The following SLC25A30 variants were observed in gnomAD, a reference collection of about 807,000 sequenced individuals.
SLC25A30 encodes the protein solute carrier family 25 member 30, also known as kidney mitochondrial carrier protein 1.
Under a neutral mutation model 42.7 loss-of-function variants are expected in SLC25A30, and 29 were observed. The observed-to-expected ratio is 0.68, with a 90% CI of 0.51 to 0.93. The LOEUF (loss-of-function observed/expected upper bound fraction) is 0.93, where lower values mean the gene tolerates loss of function less well. SLC25A30 is among the 40% of genes least tolerant of loss of function. The pLI, the probability that SLC25A30 is intolerant of heterozygous loss-of-function variation, is 0.00. For missense variants in SLC25A30, 300 were observed against 359.7 expected, an observed-to-expected ratio of 0.83 and a Z score of 1.34; for synonymous variants, 124 against 131.0, an observed-to-expected ratio of 0.95 and a Z score of 0.37.
chr13:45,414,435 G>A (rs1264645313), intron 1 of SLC25A30, among the ~76,000 whole-genome samples: 1 of 152,082 alleles, frequency 6.6e-6, no homozygotes, highest in Non-Finnish European at 1.5e-5. Flanking sequence ...TGGCCAACAT[G>A]GCAAAACCCA....
At chr13:45,423,916 A>T in the SLC25A30 span, among the ~76,000 whole-genome samples, 35 of 87,192 alleles carry the variant, frequency 4.0e-4, no homozygotes, top group African/African-American at 1.6e-3. Flanking sequence ...AATATATAAA[A>T]ATATATATAA....
chr13:45,415,546 T>C (rs939915483), intron 1 of SLC25A30, among the ~76,000 whole-genome samples: 3 of 151,548 alleles, frequency 2.0e-5, no homozygotes, highest in Non-Finnish European at 4.4e-5. Context: ...AGGTCAGGAG[T>C]TCGAGACCAG....
At chr13:45,400,984 A>T (rs1881913262) in intron 7 of SLC25A30, 99 bp downstream of exon 7, 1 of 1,067,626 alleles carries the variant, frequency 9.4e-7, no homozygotes, top group African/African-American at 1.6e-5. Context: ...GTCCTGCTTC[A>T]CTTCTGCATT....
At chr13:45,431,017 C>T in the SLC25A30 span, among the ~76,000 whole-genome samples, 8 of 151,902 alleles carry the variant, frequency 5.3e-5, no homozygotes, top group African/African-American at 9.7e-5. Flanking sequence ...GCTGTAAACA[C>T]CACCCGACAA....
At chr13:45,424,793 A>T in the SLC25A30 span, among the ~76,000 whole-genome samples, 1 of 50,482 alleles carries the variant, frequency 2.0e-5, no homozygotes, top group South Asian at 6.0e-4. Context: ...TATATAAAAG[A>T]ATATAAATAT....
At chr13:45,414,637 C>CAT (rs1883359361) in intron 1 of SLC25A30, among the ~76,000 whole-genome samples, 1 of 127,050 alleles carries the variant, frequency 7.9e-6, no homozygotes, top group Non-Finnish European at 1.6e-5. Flanking sequence ...CACACACATA[C>CAT]ACACACACAC....
chr13:45,401,037 T>A, intron 7 of SLC25A30, 46 bp downstream of exon 7: 1 of 1,497,028 alleles, frequency 6.7e-7, no homozygotes, highest in Admixed American at 2.0e-5. Context: ...TATAATAAAC[T>A]TTCTTTAGAA....
chr13:45,425,162 ATATATAAG>A, the SLC25A30 span, among the ~76,000 whole-genome samples: 1 of 88,702 alleles, frequency 1.1e-5, no homozygotes, highest in South Asian at 2.9e-4. Context: ...ATTGATAAAT[ATATATAAG>A]TATATAAATA....
chr13:45,395,461 A>G lies in SLC25A30; in HGVS notation c.*513T>C. ...GATATTCCTAGGATCCATTTCCTGC[A>G]CCGTTTATACCTGGGGTTGAACAGT... On this transcript the variant is annotated 3_prime_UTR_variant, in exon 10 of 10. Transcript: ENST00000519676. 1 of 990,102 alleles carries G rather than the reference A, an allele frequency of 1.0e-6. No homozygotes were observed. The highest frequency in any genetic ancestry group is 4.6e-5 in the South Asian group (1 of 21,704). The allele number at this position is 990,102 out of a possible 1,614,324, so 61.3% of individuals were successfully genotyped here.
At position 45,395,042 on chromosome 13, in the gene SLC25A30, C is replaced by A; in HGVS notation, c.*932G>T. ...ACCATGAGAAGCCCATGAGAACATGCCCCTCTTCTACATAGACTGTTTAGA... is the reference window on the plus strand; with the variant it reads ...ACCATGAGAAGCCCATGAGAACATGACCCTCTTCTACATAGACTGTTTAGA... On this transcript the variant is annotated 3_prime_UTR_variant, in exon 10 of 10. Coordinates refer to ENST00000519676, the MANE Select transcript of SLC25A30 (RefSeq NM_001010875.4). The A allele has an allele frequency of 1.0e-6, 1 of 985,440 alleles. No homozygotes were observed. Among genetic ancestry groups the A allele is most frequent in the East Asian group, 1.1e-4 (1 of 8,810 alleles). The allele number at this position is 985,440 out of a possible 1,614,324, so 61.0% of individuals were successfully genotyped here. A position where few individuals can be genotyped will look rare whatever the true frequency, so the allele number is the denominator to read the frequency against.
rs370602370 is a variant in SLC25A30, at chr13:45,409,045, G to A, written c.94C>T (p.Arg32Trp). ...TTCGTCTGGCCTTGAATCTGGAGCC[G>A]TGTCTTGGTTAAATCAATTGGAAAT... Reference protein sequence around the residue: ...GTFPIDLTKTRLQIQGQTNDA... With the variant: ...GTFPIDLTKTWLQIQGQTNDA... Residue 32 changes from arginine (R) to tryptophan (W), a missense_variant, in exon 3 of 10, where the codon CGG (arginine) becomes TGG (tryptophan). Coordinates refer to ENST00000519676, the MANE Select transcript of SLC25A30 (RefSeq NM_001010875.4). 2.6e-5 allele frequency: 42 copies of A among 1,609,952 alleles called. No homozygotes were observed. The highest frequency in any genetic ancestry group is 1.5e-4 in the Admixed American group (9 of 59,048).
chr13:45,432,692 G>A, the SLC25A30 span, among the ~76,000 whole-genome samples: 4 of 150,964 alleles, frequency 2.6e-5, no homozygotes. Context: ...TTATGGCCAG[G>A]TATATCTATA....
At position 45,414,635 on chromosome 13, in the gene SLC25A30, T is replaced by TACACACACACACAC. The variant is rs145462442; in HGVS notation, c.-55-3169_-55-3156dup. On this transcript the variant is annotated intron_variant, in intron 1 of 9. Transcript: ENST00000519676. ...TTTGTCTCAAACACACACACACACATACACACACACACACACACACACACA... is the reference window on the plus strand; with the variant it reads ...TTTGTCTCAAACACACACACACACATACACACACACACACACACACACACACACACACACACACA... 5.6e-3 allele frequency among the ~76,000 whole-genome samples: 778 copies of TACACACACACACAC among 139,972 alleles called. 12 individuals are homozygous for TACACACACACACAC. The highest frequency in any genetic ancestry group is 0.017 in the African/African-American group (642 of 38,654). The allele number at this position is 139,972 out of a possible 152,430, so 91.8% of individuals were successfully genotyped here. A position where few individuals can be genotyped will look rare whatever the true frequency, so the allele number is the denominator to read the frequency against.
the SLC25A30 span, among the ~76,000 whole-genome samples, chr13:45,424,783 T>A: frequency 1.7e-5 from 1 of 57,608 alleles, no homozygotes; most frequent in East Asian, 3.9e-4. Flanking sequence ...TATATATAAA[T>A]ATATAAAAGA....
the SLC25A30 span, among the ~76,000 whole-genome samples, chr13:45,425,626 A>G: frequency 3.9e-5 from 4 of 102,724 alleles, 2 homozygotes; most frequent in Non-Finnish European, 8.3e-5. Context: ...AAATATATAT[A>G]TAAGTATATA....
At chr13:45,409,436 T>A (rs1429569019) in intron 2 of SLC25A30, among the ~76,000 whole-genome samples, 2 of 152,186 alleles carry the variant, frequency 1.3e-5, no homozygotes, top group African/African-American at 4.8e-5. Context: ...AAGGTTAAAA[T>A]GGGGTTGAAT....
At chr13:45,397,065 A>G in intron 9 of SLC25A30, 193 bp downstream of exon 9, 1 of 559,032 alleles carries the variant, frequency 1.8e-6, no homozygotes, top group South Asian at 2.3e-5. Flanking sequence ...ACCACCATCA[A>G]AGCAAGATTC....
At chr13:45,423,572 T>C in the SLC25A30 span, among the ~76,000 whole-genome samples, 1 of 82,398 alleles carries the variant, frequency 1.2e-5, no homozygotes, top group Non-Finnish European at 2.5e-5. Context: ...TATATAAATA[T>C]ATATAAAAAT....
chr13:45,407,218 T>A (rs1882596497), intron 3 of SLC25A30, among the ~76,000 whole-genome samples: 1 of 152,060 alleles, frequency 6.6e-6, no homozygotes, highest in South Asian at 2.1e-4. Flanking sequence ...GACAACATGG[T>A]AAAACCCCGT....
Sources: gnomAD v4.1 joint callset for allele counts (sites outside exome capture counted in the v4.1 genomes callset) on GRCh38, gnomAD v4.1.1 for gene constraint, MANE v1.5 for transcripts, NCBI Gene and HGNC (gene_info 2026-07-23, HGNC 2026-07-21) for gene names.